The following EPHB1 variants were observed in gnomAD, a reference collection of about 807,000 sequenced individuals.
EPHB1 encodes the protein ephrin type-B receptor 1.
In EPHB1, 30 loss-of-function variants were observed where a neutral mutation model predicts 94.4. That is an observed-to-expected ratio of 0.32 (90% CI 0.24 to 0.43). The LOEUF (loss-of-function observed/expected upper bound fraction) is 0.43. EPHB1 is among the 20% of genes least tolerant of loss of function. The pLI is 1.00. For synonymous variants in EPHB1, 522 were observed against 489.1 expected (o/e 1.07, Z -0.89); for missense variants, 1,055 against 1,308.3 (o/e 0.81, Z 2.99).
chr3:135,206,840 G>T (rs1255440514), intron 12 of EPHB1, among the ~76,000 whole-genome samples: 1 of 151,802 alleles, frequency 6.6e-6, no homozygotes, highest in East Asian at 1.9e-4. Flanking sequence ...CAAGAGGGGA[G>T]CCCCATCTCA....
intron 1 of EPHB1, among the ~76,000 whole-genome samples, chr3:134,864,440 T>G (rs745967557): frequency 6.6e-6 from 1 of 152,240 alleles, no homozygotes; most frequent in Non-Finnish European, 1.5e-5. Context: ...TCTGCTCTCC[T>G]GCTGTCCTTG....
intron 3 of EPHB1, among the ~76,000 whole-genome samples, chr3:134,966,239 G>C: frequency 6.6e-6 from 1 of 152,202 alleles, no homozygotes. Context: ...CTGGAAGAGA[G>C]ACACAACAGA....
intron 3 of EPHB1, among the ~76,000 whole-genome samples, chr3:135,015,181 G>A (rs765141481): frequency 3.9e-5 from 6 of 151,948 alleles, no homozygotes; most frequent in Non-Finnish European, 7.4e-5. Flanking sequence ...TCTGTGGGCC[G>A]GACTGCCGCT....
At chr3:135,217,750 A>G (rs1943188817) in intron 12 of EPHB1, among the ~76,000 whole-genome samples, 1 of 152,216 alleles carries the variant, frequency 6.6e-6, no homozygotes, top group Non-Finnish European at 1.5e-5. Context: ...AGTACATTAT[A>G]AAATGTGCAA....
chr3:134,965,425 C>A (rs111632335), intron 3 of EPHB1, among the ~76,000 whole-genome samples: 3 of 152,234 alleles, frequency 2.0e-5, no homozygotes, highest in African/African-American at 7.2e-5. Flanking sequence ...TAGGGCCAGG[C>A]GAGGTGGCTC....
At chr3:135,217,237 G>A (rs1207029575) in intron 12 of EPHB1, among the ~76,000 whole-genome samples, 1 of 152,112 alleles carries the variant, frequency 6.6e-6, no homozygotes, top group Non-Finnish European at 1.5e-5. Flanking sequence ...GCAGGGCACT[G>A]AGGGCAGTGC....
At chr3:134,949,603 C>T (rs1404350822) in intron 2 of EPHB1, among the ~76,000 whole-genome samples, 1 of 152,116 alleles carries the variant, frequency 6.6e-6, no homozygotes, top group Non-Finnish European at 1.5e-5. Context: ...ATTTAAAGTC[C>T]ACCACTGTAA....
chr3:134,872,231 T>C (rs1007636695), intron 1 of EPHB1, among the ~76,000 whole-genome samples: 1 of 152,216 alleles, frequency 6.6e-6, no homozygotes, highest in African/African-American at 2.4e-5. Flanking sequence ...AGGAGGAAGC[T>C]GATACTGTGT....
At chr3:135,056,815 G>T (rs1022500722) in intron 3 of EPHB1, among the ~76,000 whole-genome samples, 1 of 152,190 alleles carries the variant, frequency 6.6e-6, no homozygotes, top group Non-Finnish European at 1.5e-5. Context: ...TCTGGGAGTA[G>T]GGACACTTGT....
At chr3:134,932,023 GTGTGTT>G in intron 2 of EPHB1, among the ~76,000 whole-genome samples, 1 of 148,966 alleles carries the variant, frequency 6.7e-6, no homozygotes. Flanking sequence ...TTGTATGTGT[GTGTGTT>G]TGTGTGTGTG....
intron 3 of EPHB1, among the ~76,000 whole-genome samples, chr3:135,053,025 G>GTATA (rs1389207071): frequency 0.3 from 26,874 of 90,372 alleles, 4,547 homozygotes; most frequent in East Asian, 0.46. Flanking sequence ...GTGTGTGTGT[G>GTATA]TGTATATATA....
At chr3:135,226,696 C>T (rs764804683) in intron 12 of EPHB1, among the ~76,000 whole-genome samples, 6 of 152,160 alleles carry the variant, frequency 3.9e-5, no homozygotes, top group East Asian at 1.9e-4. Flanking sequence ...CCAGAACATG[C>T]AGGAGAAGGG....
At chr3:134,886,818 G>A (rs191140985) in intron 1 of EPHB1, among the ~76,000 whole-genome samples, 6 of 151,832 alleles carry the variant, frequency 4.0e-5, no homozygotes, top group Non-Finnish European at 7.4e-5. Flanking sequence ...TTTGAGTTTC[G>A]TATCCAAAGT....
At chr3:135,125,808 CCTGA>C (rs1375796132) in intron 4 of EPHB1, among the ~76,000 whole-genome samples, 5 of 152,126 alleles carry the variant, frequency 3.3e-5, no homozygotes, top group Non-Finnish European at 5.9e-5. Context: ...TAATAACCAG[CCTGA>C]CTTTTTTCCC....
rs958969889 is a variant in EPHB1, at chr3:134,859,555, C to T, written c.58+63866C>T. ...TGGTGTCCCCACCCCCTGGCTGAGA[C>T]CCCGTTGAGCCTTCTGCTGGAACCT... On this transcript the variant is annotated intron_variant, in intron 1 of 15. Coordinates refer to ENST00000398015, the MANE Select transcript of EPHB1 (RefSeq NM_004441.5). Among the ~76,000 whole-genome samples the T allele has an allele frequency of 2.2e-4, 34 of 152,218 alleles. 1 individual carries two copies. The highest frequency in any genetic ancestry group is 5.2e-4 in the Admixed American group (8 of 15,292).
intron 15 of EPHB1, among the ~76,000 whole-genome samples, chr3:135,251,590 A>T (rs1367776161): frequency 6.6e-6 from 1 of 152,246 alleles, no homozygotes; most frequent in Non-Finnish European, 1.5e-5. Context: ...AAAGATGGAA[A>T]AAGAAACTGA....
At chr3:135,197,945 T>A (rs1161572373) in intron 11 of EPHB1, among the ~76,000 whole-genome samples, 2 of 152,194 alleles carry the variant, frequency 1.3e-5, no homozygotes, top group Non-Finnish European at 2.9e-5. Context: ...CTTAATATGT[T>A]TTTATCTTTA....
intron 11 of EPHB1, among the ~76,000 whole-genome samples, chr3:135,198,281 G>T (rs1282780830): frequency 6.6e-6 from 1 of 152,178 alleles, no homozygotes; most frequent in Non-Finnish European, 1.5e-5. Context: ...CCCACACCGT[G>T]ATTTAAGGCT....
At chr3:134,937,418 C>T (rs1014563789) in intron 2 of EPHB1, among the ~76,000 whole-genome samples, 1 of 152,188 alleles carries the variant, frequency 6.6e-6, no homozygotes, top group East Asian at 1.9e-4. Flanking sequence ...AGAATGGGAA[C>T]GAAGCCAAGA....
Sources: allele counts gnomAD v4.1 joint callset (sites outside exome capture counted in the v4.1 genomes callset), GRCh38; gene constraint gnomAD v4.1.1; transcripts MANE v1.5; gene names NCBI Gene and HGNC (gene_info 2026-07-23, HGNC 2026-07-21).